The following PDCD7 variants were observed in gnomAD, a reference collection of about 807,000 sequenced individuals.
PDCD7 encodes the protein programmed cell death 7, also known as programmed cell death protein 7.
Under a neutral mutation model 42.1 loss-of-function variants are expected in PDCD7, and 40 were observed. That is an observed-to-expected ratio of 0.95 (90% CI 0.74 to 1.24). The LOEUF is 1.24. Among genes scored for constraint, PDCD7 ranks in the 50% most tolerant of loss-of-function variants. The pLI, the probability that PDCD7 is intolerant of heterozygous loss-of-function variation, is 0.00. For synonymous variants in PDCD7, 299 were observed against 303.3 expected (o/e 0.99, Z 0.15); for missense variants, 644 against 662.8 (o/e 0.97, Z 0.31).
chr15:65,119,200 C>G (rs886388366), intron 4 of PDCD7, 176 bp downstream of exon 4: 4 of 557,844 alleles, frequency 7.2e-6, no homozygotes, highest in Non-Finnish European at 1.3e-5. Context: ...GAGGACTAAA[C>G]AAGATGTATG....
rs746272625 is a variant in PDCD7 at position 65,133,689 on chromosome 15, C to CGGCGGT, written c.87_92dup (p.Pro30_Pro31dup). 217 of 1,274,092 alleles carry CGGCGGT rather than the reference C, an allele frequency of 1.7e-4. No homozygotes were observed. Among genetic ancestry groups the CGGCGGT allele is most frequent in the Non-Finnish European group, 2.1e-4 (208 of 1,003,794 alleles). 78.9% of individuals were successfully genotyped at this position (1,274,092 alleles called of 1,614,324 possible). A position where few individuals can be genotyped will look rare whatever the true frequency, so the allele number is the denominator to read the frequency against. ...GCGGCGGGAAAGCCGGGGAGGGCAG[C>CGGCGGT]GGCGGTGGCGGACAGCCGAAAGGAG... On this transcript the variant is annotated inframe_insertion, in exon 1 of 5. Coordinates refer to ENST00000204549, the MANE Select transcript of PDCD7 (RefSeq NM_005707.2).
intron 1 of PDCD7, among the ~76,000 whole-genome samples, chr15:65,132,673 G>A (rs1177506034): frequency 1.3e-5 from 2 of 152,192 alleles, no homozygotes; most frequent in Non-Finnish European, 2.9e-5. Context: ...TTCGTGCAGT[G>A]CCACCGTGTA....
At chr15:65,119,983 A>G in intron 2 of PDCD7, 29 bp from the exon 3 acceptor site, 1 of 1,584,500 alleles carries the variant, frequency 6.3e-7, no homozygotes, top group South Asian at 1.2e-5. Flanking sequence ...ATGGCATTTT[A>G]TTTATTTTTT....
At chr15:65,120,977 A>G (rs913931389) in intron 2 of PDCD7, among the ~76,000 whole-genome samples, 2 of 151,810 alleles carry the variant, frequency 1.3e-5, no homozygotes, top group African/African-American at 4.8e-5. Context: ...TGAGTATTCA[A>G]TTACTCTGAC....
intron 3 of PDCD7, 43 bp from the exon 4 acceptor site, chr15:65,119,506 C>A: frequency 7.1e-7 from 1 of 1,416,088 alleles, no homozygotes; most frequent in Admixed American, 1.7e-5. Flanking sequence ...TGCTTGATAT[C>A]CACAGTGTAT....
At chr15:65,120,569 A>T (rs754433205) in intron 2 of PDCD7, among the ~76,000 whole-genome samples, 5 of 152,078 alleles carry the variant, frequency 3.3e-5, no homozygotes, top group Non-Finnish European at 5.9e-5. Context: ...TTAGCCAGGC[A>T]TGGTGGCAGG....
rs1206901701 is a variant in PDCD7 at position 65,118,811 on chromosome 15, G to A, written c.1364C>T (p.Ser455Phe). 1 of 1,610,248 alleles carries A rather than the reference G, an allele frequency of 6.2e-7. No homozygotes were observed. The highest frequency in any genetic ancestry group is 8.5e-7 in the Non-Finnish European group (1 of 1,178,326). Residue 455 changes from serine to phenylalanine, a missense_variant, in exon 5 of 5, where the codon TCC becomes TTC. Transcript: ENST00000204549. ...RHDWDQYLVP[S>F]DHPKGNFVPQ... is the part of the protein sequence containing the mutation. Reference sequence around the variant, plus strand: ...AACGAAGTTGCCTTTGGGATGATCGGATGGCACCAGGTACTGATCCCAATC... The same window carrying A: ...AACGAAGTTGCCTTTGGGATGATCGAATGGCACCAGGTACTGATCCCAATC...
At position 65,129,120 on chromosome 15, in the gene PDCD7, T is replaced by C. The variant is rs1566972886; in HGVS notation, c.921A>G (p.Lys307=). The change falls in exon 2 of 5, where the codon AAA becomes AAG. Residue 307 remains lysine, a synonymous_variant. Coordinates refer to ENST00000204549, the MANE Select transcript of PDCD7 (RefSeq NM_005707.2). ...AADGVLSEVR[K]KQADTKRMVD... is the part of the protein sequence containing the mutation. Reference sequence around the variant, plus strand: ...CCATTCTTTTGGTATCTGCTTGTTTTTTCCTCACTTCAGATAGTACGCCAT... The same window carrying C: ...CCATTCTTTTGGTATCTGCTTGTTTCTTCCTCACTTCAGATAGTACGCCAT... 6.2e-7 allele frequency: 1 copy of C among 1,614,054 alleles called. No homozygotes were observed. Among genetic ancestry groups the C allele is most frequent in the Non-Finnish European group, 8.5e-7 (1 of 1,179,920 alleles).
Position 65,119,820 on chromosome 15 carries a change from C to T in PDCD7, c.1144G>A (p.Glu382Lys). Reference sequence around the variant, plus strand: ...TCTAATTCTCTTTTCCTCTCTTCCTCTTGTTCTCCTTCTAGCATAACTCTG... The same window carrying T: ...TCTAATTCTCTTTTCCTCTCTTCCTTTTGTTCTCCTTCTAGCATAACTCTG... ...ALRVMLEGEQ[E>K]EERKRELEKK... The change falls in exon 3 of 5, where the codon GAG (glutamate) becomes AAG (lysine). Residue 382 changes from glutamate (E) to lysine (K), a missense_variant. Transcript: ENST00000204549. 1.2e-6 allele frequency: 2 copies of T among 1,613,894 alleles called. No homozygotes were observed. The highest frequency in any genetic ancestry group is 1.7e-6 in the Non-Finnish European group (2 of 1,179,826).
chr15:65,122,785 C>T (rs1157226246), intron 2 of PDCD7, among the ~76,000 whole-genome samples: 3 of 151,962 alleles, frequency 2.0e-5, no homozygotes, highest in Admixed American at 6.6e-5. Flanking sequence ...GGGTGGATCA[C>T]GAGGTCAGGA....
chr15:65,126,269 A>G (rs2087495238), intron 2 of PDCD7, among the ~76,000 whole-genome samples: 1 of 152,022 alleles, frequency 6.6e-6, no homozygotes. Flanking sequence ...CTTGATTTTG[A>G]CATTCCCTAT....
chr15:65,117,481 T>G lies in PDCD7; in HGVS notation c.*1236A>C, dbSNP rs1057098105. The G allele has an allele frequency of 6.6e-6, 1 of 151,804 alleles. No individual in the cohort carries two copies. The highest frequency in any genetic ancestry group is 2.4e-5 in the African/African-American group (1 of 41,282). 9.4% of individuals were successfully genotyped at this position (151,804 alleles called of 1,614,324 possible). On this transcript the variant is annotated 3_prime_UTR_variant, in exon 5 of 5. Coordinates refer to ENST00000204549, the MANE Select transcript of PDCD7 (RefSeq NM_005707.2). ...CCAAAAAAATGACATGTTATATGAG[T>G]GATCATCTCCAAGCACAACAGCATT...
Position 65,133,373 on chromosome 15 carries a change from C to T in PDCD7, c.409G>A (p.Ala137Thr). 8.2e-7 allele frequency: 1 copy of T among 1,216,246 alleles called. No individual in the cohort carries two copies. The highest frequency in any genetic ancestry group is 1.6e-5 in the African/African-American group (1 of 63,288). 75.3% of individuals were successfully genotyped at this position (1,216,246 alleles called of 1,614,324 possible). ...TGCCGGTCGCGCAGGCGTTGGAGGG[C>T]CGCATCCCCGAGCACGTCGGCCGGC... Reference protein sequence around the residue: ...PPPADVLGDAALQRLRDRQWL... With the variant: ...PPPADVLGDATLQRLRDRQWL... Residue 137 changes from alanine (A) to threonine (T), a missense_variant, in exon 1 of 5, where the codon GCC becomes ACC. Physicochemically the swap from Ala to Thr is moderately conservative, Grantham distance 58. Coordinates refer to ENST00000204549, the MANE Select transcript of PDCD7 (RefSeq NM_005707.2).
chr15:65,129,126 C>T lies in PDCD7; in HGVS notation c.915G>A (p.Val305=). The change falls in exon 2 of 5, where the codon GTG becomes GTA. Residue 305 remains valine, a synonymous_variant. Transcript: ENST00000204549. ...KAAADGVLSE[V]RKKQADTKRM... Reference sequence around the variant, plus strand: ...TTTTGGTATCTGCTTGTTTTTTCCTCACTTCAGATAGTACGCCATCAGCGG... The same window carrying T: ...TTTTGGTATCTGCTTGTTTTTTCCTTACTTCAGATAGTACGCCATCAGCGG... 1 of 1,613,992 alleles carries T rather than the reference C, an allele frequency of 6.2e-7. No homozygotes were observed. The highest frequency in any genetic ancestry group is 8.5e-7 in the Non-Finnish European group (1 of 1,179,890).
chr15:65,130,983 T>C lies in PDCD7; in HGVS notation c.871-1813A>G, dbSNP rs190284093. On this transcript the variant is annotated intron_variant, in intron 1 of 4. Coordinates refer to ENST00000204549, the MANE Select transcript of PDCD7 (RefSeq NM_005707.2). The stretch of plus-strand genomic sequence containing the variant: ...CACACACCACGCTATACTGACATGA[T>C]CTCCCACAGATCTCTAAGCCAGGGG... 5.9e-4 allele frequency among the ~76,000 whole-genome samples: 90 copies of C among 152,112 alleles called. 1 individual carries two copies. The East Asian group carries it at 0.013, about 22-fold the overall frequency.
intron 2 of PDCD7, 58 bp downstream of exon 2, chr15:65,128,974 A>G (rs2087517583): frequency 6.4e-7 from 1 of 1,574,604 alleles, no homozygotes; most frequent in Non-Finnish European, 8.7e-7. Context: ...TTGGGGTGGG[A>G]GGAGCTAGAG....
At chr15:65,124,667 A>T (rs993008267) in intron 2 of PDCD7, among the ~76,000 whole-genome samples, 3 of 152,068 alleles carry the variant, frequency 2.0e-5, no homozygotes, top group Non-Finnish European at 4.4e-5. Flanking sequence ...CTTAAACTTG[A>T]TTATTCTCTT....
chr15:65,121,048 T>A (rs2087449970), intron 2 of PDCD7, among the ~76,000 whole-genome samples: 1 of 150,662 alleles, frequency 6.6e-6, no homozygotes, highest in Admixed American at 6.6e-5. Flanking sequence ...CCTCTGACTT[T>A]CTTTCTTTTT....
chr15:65,125,974 A>G (rs565578685), intron 2 of PDCD7, among the ~76,000 whole-genome samples: 1 of 152,340 alleles, frequency 6.6e-6, no homozygotes, highest in East Asian at 1.9e-4. Context: ...TCTCCTTTAT[A>G]AATCCATCAG....
Sources: allele counts gnomAD v4.1 joint callset (sites outside exome capture counted in the v4.1 genomes callset), GRCh38; gene constraint gnomAD v4.1.1; transcripts MANE v1.5; gene names NCBI Gene and HGNC (gene_info 2026-07-23, HGNC 2026-07-21).